Variants in ACAP2 observed in about 807,000 individuals in gnomAD.
ACAP2 encodes arf-GAP with coiled-coil, ANK repeat and PH domain-containing protein 2.
ACAP2 carries 39 observed loss-of-function variants against 115.8 expected under a neutral mutation model. That is an observed-to-expected ratio of 0.34 (90% confidence interval 0.26 to 0.44). ACAP2 has a LOEUF of 0.44. Among genes scored for constraint, ACAP2 ranks in the 20% least tolerant of loss-of-function variants. ACAP2 has a pLI of 1.00. For synonymous variants in ACAP2, 289 were observed against 315.8 expected, an observed-to-expected ratio of 0.92 and a Z score of 0.90; for missense variants, 662 against 927.6, an observed-to-expected ratio of 0.71 and a Z score of 3.72.
chr3:195,317,215 T>G (rs1050875878), intron 10 of ACAP2, among the ~76,000 whole-genome samples: 2 of 152,116 alleles, frequency 1.3e-5, no homozygotes, highest in African/African-American at 4.8e-5. Flanking sequence ...GTTTTTTCTA[T>G]ATAACCTTGA....
intron 1 of ACAP2, chr3:195,419,527 T>C (rs1230479100): frequency 6.6e-6 from 1 of 152,218 alleles, no homozygotes; most frequent in African/African-American, 2.4e-5. Context: ...CTGAGATCAC[T>C]GACTACCTTC....
Position 195,415,545 on chromosome 3 carries a change from G to A in ACAP2, c.54-23398C>T, listed in dbSNP as rs562653154. ...TGGCCTCGGCCTCCCAAAGTGCTGG[G>A]ATTACAGGCCTGAGCCACCATGCCC... On this transcript the variant is annotated intron_variant, in intron 1 of 22. Transcript: ENST00000326793. Among the ~76,000 whole-genome samples the A allele has an allele frequency of 2.5e-4, 38 of 152,236 alleles. No individual in the cohort carries two copies. The South Asian group carries it at 7.9e-3, about 32-fold the overall frequency.
chr3:195,329,529 A>ACT (rs1403850295), intron 8 of ACAP2, among the ~76,000 whole-genome samples: 1 of 151,838 alleles, frequency 6.6e-6, no homozygotes, highest in Non-Finnish European at 1.5e-5. Flanking sequence ...GCTAACCCAT[A>ACT]CTCTTTTTCC....
At chr3:195,329,079 CAAAA>C (rs57471736) in intron 8 of ACAP2, among the ~76,000 whole-genome samples, 1 of 93,848 alleles carries the variant, frequency 1.1e-5, no homozygotes, top group Admixed American at 1.1e-4. Flanking sequence ...GACTCCGTCT[CAAAA>C]AAAAAAAAAA....
At chr3:195,413,791 C>A (rs1460902365) in intron 1 of ACAP2, among the ~76,000 whole-genome samples, 1 of 151,744 alleles carries the variant, frequency 6.6e-6, no homozygotes, top group East Asian at 1.9e-4. Context: ...GGGCAAAAGA[C>A]CTGAGCAGAC....
intron 10 of ACAP2, 54 bp from the exon 11 acceptor site, chr3:195,308,891 T>C: frequency 1.4e-6 from 2 of 1,480,406 alleles, no homozygotes; most frequent in Non-Finnish European, 1.9e-6. Flanking sequence ...ATTTCCATTG[T>C]TGTTAGAAAT....
rs1200739934 is a variant in ACAP2 at position 195,381,890 on chromosome 3, T to C, written c.231+13A>G. On this transcript the variant is annotated intron_variant, in intron 3 of 22. Transcript: ENST00000326793. ...TTTTTTTCATTTTTAACTGCAATTT[T>C]AGTAATACTAACCTCAACGACAGCA... The C allele has an allele frequency of 6.4e-7, 1 of 1,570,698 alleles. No individual in the cohort carries two copies. Among genetic ancestry groups the C allele is most frequent in the Non-Finnish European group, 8.6e-7 (1 of 1,165,038 alleles).
At chr3:195,411,101 C>T (rs757302642) in intron 1 of ACAP2, 2 of 209,976 alleles carry the variant, frequency 9.5e-6, no homozygotes, top group African/African-American at 4.7e-5. Flanking sequence ...CATCTCACAC[C>T]CATTAGGATG....
At chr3:195,388,563 CT>C (rs1196201632) in intron 2 of ACAP2, among the ~76,000 whole-genome samples, 1 of 152,206 alleles carries the variant, frequency 6.6e-6, no homozygotes, top group Non-Finnish European at 1.5e-5. Context: ...GGAACTTGCC[CT>C]GCACAAAGCT....
At chr3:195,281,565 TAAAAAG>T (rs1422494414) in intron 22 of ACAP2, among the ~76,000 whole-genome samples, 1 of 152,140 alleles carries the variant, frequency 6.6e-6, no homozygotes, top group African/African-American at 2.4e-5. Context: ...CAGTCTACTT[TAAAAAG>T]AAAAAAACAG....
At chr3:195,362,040 C>G (rs1472430213) in intron 4 of ACAP2, among the ~76,000 whole-genome samples, 1 of 152,114 alleles carries the variant, frequency 6.6e-6, no homozygotes, top group Admixed American at 6.6e-5. Flanking sequence ...AGGCTGTGCC[C>G]GGTGGCTCAC....
Position 195,375,194 on chromosome 3 carries a change from A to T in ACAP2, c.285+5815T>A, listed in dbSNP as rs374065390. 7.6e-4 allele frequency among the ~76,000 whole-genome samples: 116 copies of T among 152,238 alleles called. 1 individual carries two copies. In the South Asian group the frequency reaches 0.021, roughly 28 times the overall value. The stretch of plus-strand genomic sequence containing the variant: ...GTGACAGAGTAAGACTGTCTCAAAA[A>T]ATAAAAAATAAATAAATAAAAATAA... On this transcript the variant is annotated intron_variant, in intron 4 of 22. Coordinates refer to ENST00000326793, the MANE Select transcript of ACAP2 (RefSeq NM_012287.6).
intron 4 of ACAP2, among the ~76,000 whole-genome samples, chr3:195,361,722 A>G (rs1285279705): frequency 6.6e-6 from 1 of 152,084 alleles, no homozygotes; most frequent in East Asian, 1.9e-4. Flanking sequence ...AAAACAATAC[A>G]AAAATCAACG....
intron 22 of ACAP2, among the ~76,000 whole-genome samples, chr3:195,284,922 G>C (rs751283381): frequency 6.6e-6 from 1 of 152,132 alleles, no homozygotes; most frequent in Non-Finnish European, 1.5e-5. Context: ...TGTGAAGAAC[G>C]TCTAATCAAC....
At chr3:195,315,587 C>T (rs1229006993) in intron 10 of ACAP2, among the ~76,000 whole-genome samples, 1 of 152,098 alleles carries the variant, frequency 6.6e-6, no homozygotes, top group Non-Finnish European at 1.5e-5. Flanking sequence ...CCAGGTTTTG[C>T]CCCTCAATTT....
intron 4 of ACAP2, 126 bp downstream of exon 4, chr3:195,380,883 G>T: frequency 2.6e-6 from 2 of 780,682 alleles, no homozygotes; most frequent in Non-Finnish European, 4.2e-6. Context: ...GATTCACCCA[G>T]CTAAAAAGTT....
chr3:195,302,978 C>T (rs1728166683), intron 13 of ACAP2, among the ~76,000 whole-genome samples: 1 of 152,060 alleles, frequency 6.6e-6, no homozygotes, highest in South Asian at 2.1e-4. Context: ...CTTTGGGAGG[C>T]TGAGGCGGGT....
chr3:195,306,244 G>A (rs1234747547), intron 13 of ACAP2, among the ~76,000 whole-genome samples: 1 of 151,898 alleles, frequency 6.6e-6, no homozygotes, highest in African/African-American at 2.4e-5. Flanking sequence ...TACTTTTGGG[G>A]AAAAACACTA....
At chr3:195,374,100 T>C (rs559033730) in intron 4 of ACAP2, among the ~76,000 whole-genome samples, 8 of 152,136 alleles carry the variant, frequency 5.3e-5, no homozygotes, top group Admixed American at 4.6e-4. Context: ...TTCATTATTT[T>C]ATTCAAAATC....
Sources: allele counts gnomAD v4.1 joint callset (sites outside exome capture counted in the v4.1 genomes callset), GRCh38; gene constraint gnomAD v4.1.1; transcripts MANE v1.5; gene names NCBI Gene and HGNC (gene_info 2026-07-23, HGNC 2026-07-21).